The following NKX6-2 variants were observed in gnomAD, a reference collection of about 807,000 sequenced individuals.
The protein encoded by NKX6-2 is NK6 homeobox 2, also known as homeobox protein Nkx-6.2.
A neutral mutation model predicts 19.9 loss-of-function variants in NKX6-2; 22 were observed. The observed-to-expected ratio is 1.10, with a 90% CI of 0.79 to 1.58. NKX6-2 has a LOEUF of 1.58. NKX6-2 is among the 40% of genes most tolerant of loss of function. The pLI, the probability that NKX6-2 is intolerant of heterozygous loss-of-function variation, is 0.00. For missense variants in NKX6-2, 475 were observed against 410.6 expected, an observed-to-expected ratio of 1.16 and a Z score of -1.35; for synonymous variants, 257 against 204.0, an observed-to-expected ratio of 1.26 and a Z score of -2.21.
Position 132,784,883 on chromosome 10 carries a change from G to T in NKX6-2, c.*33C>A. On this transcript the variant is annotated 3_prime_UTR_variant, in exon 3 of 3. Transcript: ENST00000368592. ...CCACCCGGGGCCGCCCCCGGATTCT[G>T]CAAAAATAGATTCGCCCCCACCCCG... is the stretch of plus-strand genomic sequence containing the variant. The T allele has an allele frequency of 6.3e-6, 10 of 1,587,872 alleles. No homozygotes were observed. Among genetic ancestry groups the T allele is most frequent in the Non-Finnish European group, 8.6e-6 (10 of 1,161,294 alleles).
chr10:132,785,972 G>A lies in NKX6-2; in HGVS notation c.-24C>T, dbSNP rs1185817321. 8.3e-6 allele frequency: 7 copies of A among 841,730 alleles called. No homozygotes were observed. The highest frequency in any genetic ancestry group is 1.1e-4 in the South Asian group (2 of 18,716). The allele number at this position is 841,730 out of a possible 1,614,324, so 52.1% of individuals were successfully genotyped here. ...ATGGGCGCCGCCGCCGCCGGCCCGG[G>A]CTCCCATCCGGGCCCCGCCGCCGCC... On this transcript the variant is annotated 5_prime_UTR_variant, in exon 1 of 3. Transcript: ENST00000368592. The surrounding 1 kb of genome is among the most constrained non-coding windows in gnomAD (Gnocchi z 5.5).
chr10:132,784,660 T>C lies in NKX6-2; in HGVS notation c.*256A>G, dbSNP rs1401502887. 1 of 462,042 alleles carries C rather than the reference T, an allele frequency of 2.2e-6. No individual in the cohort carries two copies. Among genetic ancestry groups the C allele is most frequent in the Non-Finnish European group, 3.8e-6 (1 of 265,288 alleles). 28.6% of individuals were successfully genotyped at this position (462,042 alleles called of 1,614,324 possible). On this transcript the variant is annotated 3_prime_UTR_variant, in exon 3 of 3. Transcript: ENST00000368592. Reference sequence around the variant, plus strand: ...CCTTCCCTGCGCCTTCGCCGCCTCCTCGCGCCTGCCCGGGGCCCGCAGCCT... The same window carrying C: ...CCTTCCCTGCGCCTTCGCCGCCTCCCCGCGCCTGCCCGGGGCCCGCAGCCT...
chr10:132,785,338 G>A lies in NKX6-2; in HGVS notation c.521C>T (p.Ala174Val). ...GGCGAGACGCGCGCGCTCCGGGCCC[G>A]CCAGGTACTTGGTCTGCTCGAAGGT... ...EKTFEQTKYL[A>V]GPERARLAYS... Residue 174 changes from alanine (A) to valine (V), a missense_variant, in exon 2 of 3, where the codon GCG (alanine) becomes GTG (valine). Ala to Val is a moderately conservative substitution (Grantham distance 64). Coordinates refer to ENST00000368592, the MANE Select transcript of NKX6-2 (RefSeq NM_177400.3). The surrounding 1 kb of genome is among the most constrained non-coding windows in gnomAD (Gnocchi z 5.5). 6.2e-7 allele frequency: 1 copy of A among 1,606,850 alleles called. No homozygotes were observed. Among genetic ancestry groups the A allele is most frequent in the Non-Finnish European group, 8.5e-7 (1 of 1,177,758 alleles).
Position 132,785,136 on chromosome 10 carries a change from T to G in NKX6-2, c.614A>C (p.Lys205Thr). The change falls in exon 3 of 3, where the codon AAG (lysine) becomes ACG (threonine). Residue 205 changes from lysine to threonine, a missense_variant. Coordinates refer to ENST00000368592, the MANE Select transcript of NKX6-2 (RefSeq NM_177400.3). The surrounding 1 kb of genome is among the most constrained non-coding windows in gnomAD (Gnocchi z 5.5). ...WFQNRRTKWRKRHAVEMASAK... is the reference protein window; with the variant it reads ...WFQNRRTKWRTRHAVEMASAK... ...CGACGCCATCTCCACCGCGTGCCGC[T>G]TGCGCCACTTGGTCCGGCGGTTCTG... The G allele has an allele frequency of 1.9e-6, 3 of 1,611,952 alleles. No homozygotes were observed. Among genetic ancestry groups the G allele is most frequent in the Non-Finnish European group, 2.5e-6 (3 of 1,179,642 alleles).
rs571176853 is a variant in NKX6-2, at chr10:132,785,209, G to A, written c.580-39C>T. The A allele has an allele frequency of 3.1e-6, 5 of 1,588,962 alleles. No homozygotes were observed. In the South Asian group the frequency reaches 4.5e-5, roughly 14 times the overall value. ...GGGCGGTCAGGCGGCCGCGGGGCCC[G>A]GGGCTGGCGCTGGGGCCGTTCGCAG... is the stretch of plus-strand genomic sequence containing the variant. On this transcript the variant is annotated intron_variant, in intron 2 of 2. Coordinates refer to ENST00000368592, the MANE Select transcript of NKX6-2 (RefSeq NM_177400.3). The surrounding 1 kb of genome is among the most constrained non-coding windows in gnomAD (Gnocchi z 5.5).
At position 132,784,869 on chromosome 10, in the gene NKX6-2, C is replaced by T; in HGVS notation, c.*47G>A. ...AAAGCGACTCGCGCCCACCCGGGGC[C>T]GCCCCCGGATTCTGCAAAAATAGAT... On this transcript the variant is annotated 3_prime_UTR_variant, in exon 3 of 3. Coordinates refer to ENST00000368592, the MANE Select transcript of NKX6-2 (RefSeq NM_177400.3). 2 of 1,521,480 alleles carry T rather than the reference C, an allele frequency of 1.3e-6. No homozygotes were observed. Among genetic ancestry groups the T allele is most frequent in the Non-Finnish European group, 1.8e-6 (2 of 1,108,496 alleles). The allele number at this position is 1,521,480 out of a possible 1,614,324, so 94.2% of individuals were successfully genotyped here.
rs1324327249 is a variant in NKX6-2 at position 132,786,133 on chromosome 10, G to A, written c.-185C>T. ...GGCGGGCGGCGGCGGCGGCGGCTCC[G>A]GGGCCGGTCGGAGCGGCGCCGCGCG... On this transcript the variant is annotated 5_prime_UTR_variant, in exon 1 of 3. Coordinates refer to ENST00000368592, the MANE Select transcript of NKX6-2 (RefSeq NM_177400.3). The A allele has an allele frequency of 1.4e-5, 2 of 145,450 alleles. No homozygotes were observed. The highest frequency in any genetic ancestry group is 4.9e-5 in the African/African-American group (2 of 40,598). The allele number at this position is 145,450 out of a possible 1,614,324, so 9.0% of individuals were successfully genotyped here.
chr10:132,784,917 C>T lies in NKX6-2; in HGVS notation c.833G>A (p.Ter278=). The change falls in exon 3 of 3, where the codon TGA becomes TAA. Residue 278 remains the stop codon, a stop_retained_variant. Coordinates refer to ENST00000368592, the MANE Select transcript of NKX6-2 (RefSeq NM_177400.3). ...PCGGGAGDAL[*] is the part of the protein sequence containing the mutation. Reference sequence around the variant, plus strand: ...GATTCGCCCCCACCCCGCGGGTCCTCACAAGGCGTCCCCCGCGCCGCCGCC... The same window carrying T: ...GATTCGCCCCCACCCCGCGGGTCCTTACAAGGCGTCCCCCGCGCCGCCGCC... The T allele has an allele frequency of 6.2e-7, 1 of 1,611,520 alleles. No individual in the cohort carries two copies. Among genetic ancestry groups the T allele is most frequent in the South Asian group, 1.1e-5 (1 of 91,014 alleles).
rs776766682 is a variant in NKX6-2, at chr10:132,785,817, C to A, written c.132G>T (p.Ala44=). Residue 44 remains alanine, a synonymous_variant, in exon 1 of 3, where the codon GCG becomes GCT. Transcript: ENST00000368592. The surrounding 1 kb of genome is among the most constrained non-coding windows in gnomAD (Gnocchi z 5.5). ...GGAGCTGCGCGCCCAGGCCCCCCAG[C>A]GCGGGCGCCTTGAAGCCGGCCGGAC... The part of the protein sequence containing the change: ...LQGPAGFKAP[A]LGGLGAQLPL... 1.2e-5 allele frequency: 17 copies of A among 1,381,188 alleles called. No individual in the cohort carries two copies. The highest frequency in any genetic ancestry group is 1.9e-6 in the Non-Finnish European group (2 of 1,064,170). The allele number at this position is 1,381,188 out of a possible 1,614,324, so 85.6% of individuals were successfully genotyped here.
At position 132,785,624 on chromosome 10, in the gene NKX6-2, C is replaced by T. The variant is rs1847254720; in HGVS notation, c.325G>A (p.Glu109Lys). ...VARGYPKPLA[E>K]LPGRPPIFWP... ...AAGATGGGCGGGCGCCCCGGCAGCT[C>T]GGCCAGGGGCTTGGGGTAGCCGCGC... Residue 109 changes from glutamate to lysine, a missense_variant, in exon 1 of 3, where the codon GAG becomes AAG. Coordinates refer to ENST00000368592, the MANE Select transcript of NKX6-2 (RefSeq NM_177400.3). This position sits in a 1 kb window ranked among gnomAD's most constrained non-coding sequence, Gnocchi z 5.5. 1.6e-6 allele frequency: 2 copies of T among 1,242,494 alleles called. No individual in the cohort carries two copies. Among genetic ancestry groups the T allele is most frequent in the South Asian group, 6.6e-5 (2 of 30,170 alleles). 77.0% of individuals were successfully genotyped at this position (1,242,494 alleles called of 1,614,324 possible).
chr10:132,785,301 GC>G lies in NKX6-2; in HGVS notation c.557del (p.Gly186AlafsTer2). On this transcript the variant is annotated frameshift_variant, in exon 2 of 3. Transcript: ENST00000368592. LOFTEE classifies it high-confidence loss of function. The surrounding 1 kb of genome is among the most constrained non-coding windows in gnomAD (Gnocchi z 5.5). ...PERARLAYSLGMTESQVKVWF... is the reference protein window; with the variant it reads ...PERARLAYSLXMTESQVKVWF... Reference sequence around the variant, plus strand: ...TCACCTTCACCTGGCTCTCGGTCATGCCCAGCGAGTAGGCGAGACGCGCGCG... The same window carrying G: ...TCACCTTCACCTGGCTCTCGGTCATGCCAGCGAGTAGGCGAGACGCGCGCG... 1 of 1,606,538 alleles carries G rather than the reference GC, an allele frequency of 6.2e-7. No homozygotes were observed. Among genetic ancestry groups the G allele is most frequent in the Non-Finnish European group, 8.5e-7 (1 of 1,177,628 alleles).
chr10:132,784,547 C>T lies in NKX6-2; in HGVS notation c.*369G>A, dbSNP rs1847224732. 1.0e-5 allele frequency: 2 copies of T among 191,604 alleles called. No individual in the cohort carries two copies. Among genetic ancestry groups the T allele is most frequent in the East Asian group, 2.6e-4 (2 of 7,636 alleles). 11.9% of individuals were successfully genotyped at this position (191,604 alleles called of 1,614,324 possible). On this transcript the variant is annotated 3_prime_UTR_variant, in exon 3 of 3. Coordinates refer to ENST00000368592, the MANE Select transcript of NKX6-2 (RefSeq NM_177400.3). ...CGTCCGAATCCGCCCCGAGGCGAGGCGGGCCGGGCCGTACCTGCTGCTCCG... is the reference window on the plus strand; with the variant it reads ...CGTCCGAATCCGCCCCGAGGCGAGGTGGGCCGGGCCGTACCTGCTGCTCCG...
chr10:132,784,578 G>A lies in NKX6-2; in HGVS notation c.*338C>T, dbSNP rs759322068. 1 of 253,558 alleles carries A rather than the reference G, an allele frequency of 3.9e-6. No individual in the cohort carries two copies. The highest frequency in any genetic ancestry group is 7.3e-6 in the Non-Finnish European group (1 of 137,210). 15.7% of individuals were successfully genotyped at this position (253,558 alleles called of 1,614,324 possible). On this transcript the variant is annotated 3_prime_UTR_variant, in exon 3 of 3. Transcript: ENST00000368592. ...GGGCCGTACCTGCTGCTCCGTCCCC[G>A]GCTCCGTCCCGGGCTCCTGGCGGCT...
chr10:132,785,157 T>C lies in NKX6-2; in HGVS notation c.593A>G (p.Asn198Ser). ...CCGCTTGCGCCACTTGGTCCGGCGG[T>C]TCTGGAACCAGACCTGGGAGTGGAC... ...TESQVKVWFQNRRTKWRKRHA... is the reference protein window; with the variant it reads ...TESQVKVWFQSRRTKWRKRHA... The change falls in exon 3 of 3, where the codon AAC (asparagine) becomes AGC (serine). Residue 198 changes from asparagine to serine, a missense_variant. By Grantham distance (46) the Asn-to-Ser change is conservative. Coordinates refer to ENST00000368592, the MANE Select transcript of NKX6-2 (RefSeq NM_177400.3). This position sits in a 1 kb window ranked among gnomAD's most constrained non-coding sequence, Gnocchi z 5.5. The C allele has an allele frequency of 6.2e-7, 1 of 1,611,428 alleles. No homozygotes were observed. The highest frequency in any genetic ancestry group is 8.5e-7 in the Non-Finnish European group (1 of 1,179,554).
rs1409038949 is a variant in NKX6-2, at chr10:132,784,139, G to C, written c.*777C>G. ...GGGCGCTGCGGGCCTTGCCCAGGGG[G>C]CCTCCGGCTCCCTGACCCCGCGTGA... On this transcript the variant is annotated 3_prime_UTR_variant, in exon 3 of 3. Coordinates refer to ENST00000368592, the MANE Select transcript of NKX6-2 (RefSeq NM_177400.3). The C allele has an allele frequency of 1.3e-5, 2 of 152,222 alleles. No homozygotes were observed. Among genetic ancestry groups the C allele is most frequent in the African/African-American group, 4.8e-5 (2 of 41,466 alleles). 9.4% of individuals were successfully genotyped at this position (152,222 alleles called of 1,614,324 possible). A position where few individuals can be genotyped will look rare whatever the true frequency, so the allele number is the denominator to read the frequency against.
In NKX6-2 at chr10:132,785,814, C is replaced by A; in HGVS notation, c.135G>T (p.Leu45=). Residue 45 remains leucine, a synonymous_variant, in exon 1 of 3, where the codon CTG becomes CTT. Coordinates refer to ENST00000368592, the MANE Select transcript of NKX6-2 (RefSeq NM_177400.3). The surrounding 1 kb of genome is among the most constrained non-coding windows in gnomAD (Gnocchi z 5.5). ...GCGGGAGCTGCGCGCCCAGGCCCCC[C>A]AGCGCGGGCGCCTTGAAGCCGGCCG... is the stretch of plus-strand genomic sequence containing the variant. ...QGPAGFKAPA[L]GGLGAQLPLG... 1.4e-6 allele frequency: 2 copies of A among 1,379,444 alleles called. No individual in the cohort carries two copies. The highest frequency in any genetic ancestry group is 1.9e-6 in the Non-Finnish European group (2 of 1,062,698). The allele number at this position is 1,379,444 out of a possible 1,614,324, so 85.5% of individuals were successfully genotyped here.
rs1358526472 is a variant in NKX6-2, at chr10:132,784,553, G to C, written c.*363C>G. 5.1e-6 allele frequency: 1 copy of C among 196,864 alleles called. No homozygotes were observed. Among genetic ancestry groups the C allele is most frequent in the Non-Finnish European group, 1.0e-5 (1 of 99,606 alleles). 12.2% of individuals were successfully genotyped at this position (196,864 alleles called of 1,614,324 possible). A position where few individuals can be genotyped will look rare whatever the true frequency, so the allele number is the denominator to read the frequency against. On this transcript the variant is annotated 3_prime_UTR_variant, in exon 3 of 3. Coordinates refer to ENST00000368592, the MANE Select transcript of NKX6-2 (RefSeq NM_177400.3). ...AATCCGCCCCGAGGCGAGGCGGGCC[G>C]GGCCGTACCTGCTGCTCCGTCCCCG...
rs763155047 is a variant in NKX6-2 at position 132,784,892 on chromosome 10, G to C, written c.*24C>G. 6.3e-7 allele frequency: 1 copy of C among 1,599,094 alleles called. No individual in the cohort carries two copies. Among genetic ancestry groups the C allele is most frequent in the Non-Finnish European group, 8.5e-7 (1 of 1,170,156 alleles). On this transcript the variant is annotated 3_prime_UTR_variant, in exon 3 of 3. Coordinates refer to ENST00000368592, the MANE Select transcript of NKX6-2 (RefSeq NM_177400.3). ...GCCGCCCCCGGATTCTGCAAAAATA[G>C]ATTCGCCCCCACCCCGCGGGTCCTC...
At position 132,785,183 on chromosome 10, in the gene NKX6-2, G is replaced by C. The variant is rs768208202; in HGVS notation, c.580-13C>G. On this transcript the variant is annotated splice_polypyrimidine_tract_variant and intron_variant, in intron 2 of 2. Transcript: ENST00000368592. The surrounding 1 kb of genome is among the most constrained non-coding windows in gnomAD (Gnocchi z 5.5). Reference sequence around the variant, plus strand: ...TCTGGAACCAGACCTGGGAGTGGACGGGGCGGTCAGGCGGCCGCGGGGCCC... The same window carrying C: ...TCTGGAACCAGACCTGGGAGTGGACCGGGCGGTCAGGCGGCCGCGGGGCCC... 6.2e-6 allele frequency: 10 copies of C among 1,605,208 alleles called. No homozygotes were observed. The highest frequency in any genetic ancestry group is 5.0e-5 in the Admixed American group (3 of 59,482).
Sources: allele counts gnomAD v4.1 joint callset, GRCh38; gene constraint gnomAD v4.1.1; non-coding constraint Gnocchi (gnomAD v3.1); transcripts MANE v1.5; gene names NCBI Gene and HGNC (gene_info 2026-07-23, HGNC 2026-07-21).